OMA1: variants seen among roughly 807,000 people sequenced by gnomAD.
The protein encoded by OMA1 is OMA1 zinc metallopeptidase, also known as metalloendopeptidase OMA1, mitochondrial.
Under a neutral mutation model 30.9 loss-of-function variants are expected in OMA1, and 38 were observed. That is an observed-to-expected ratio of 1.23 (90% CI 0.95 to 1.61). The LOEUF is 1.61. OMA1 is among the 40% of genes most tolerant of loss of function. The pLI is 0.00. For missense variants in OMA1, 461 were observed against 349.2 expected (o/e 1.32, Z -2.55); for synonymous variants, 173 against 121.9 (o/e 1.42, Z -2.76).
At chr1:58,522,034 A>G (rs1251053853) in intron 7 of OMA1, among the ~76,000 whole-genome samples, 1 of 152,218 alleles carries the variant, frequency 6.6e-6, no homozygotes, top group Non-Finnish European at 1.5e-5. Flanking sequence ...AATTCTAGCA[A>G]TATATTAAGG....
chr1:58,481,135 A>T lies in OMA1; in HGVS notation c.1405T>A (p.Ser469Thr), dbSNP rs748163805. Residue 469 changes from serine to threonine, a missense_variant, in exon 9 of 9, where the codon TCT becomes ACT. Ser to Thr is a moderately conservative substitution (Grantham distance 58). Transcript: ENST00000371226. ...IREMCNCPPL[S>T]NPDPRLLFKL... ...AATAGTAATCGAGGGTCTGGATTAG[A>T]CAGTGGTGGACAATTACACATCTCT... The T allele has an allele frequency of 1.2e-6, 1 of 866,354 alleles. No homozygotes were observed. The highest frequency in any genetic ancestry group is 2.0e-6 in the Non-Finnish European group (1 of 498,664). The allele number at this position is 866,354 out of a possible 1,614,324, so 53.7% of individuals were successfully genotyped here. A position where few individuals can be genotyped will look rare whatever the true frequency, so the allele number is the denominator to read the frequency against.
chr1:58,503,665 T>C (rs1161319483), intron 8 of OMA1, among the ~76,000 whole-genome samples: 1 of 152,074 alleles, frequency 6.6e-6, no homozygotes, highest in Non-Finnish European at 1.5e-5. Flanking sequence ...TTGCCCCTTC[T>C]ACCATGTGAG....
At chr1:58,491,462 A>G (rs568514971) in intron 8 of OMA1, among the ~76,000 whole-genome samples, 55 of 152,216 alleles carry the variant, frequency 3.6e-4, no homozygotes, top group Non-Finnish European at 6.2e-4. Context: ...CAAAAGACAC[A>G]GACTGGCAAA....
chr1:58,483,297 CCT>C (rs1360481044), intron 8 of OMA1, among the ~76,000 whole-genome samples: 1 of 152,092 alleles, frequency 6.6e-6, no homozygotes, highest in Non-Finnish European at 1.5e-5. Context: ...TTCCAGATAC[CCT>C]GAGTGGGGTA....
At chr1:58,545,039 G>T (rs774562353) in intron 1 of OMA1, among the ~76,000 whole-genome samples, 14 of 152,112 alleles carry the variant, frequency 9.2e-5, no homozygotes, top group Non-Finnish European at 1.6e-4. Context: ...CTGGACTTTC[G>T]TTGGTTTTCC....
At chr1:58,518,275 G>GA (rs1480166115) in intron 7 of OMA1, among the ~76,000 whole-genome samples, 22 of 8,624 alleles carry the variant, frequency 2.6e-3, no homozygotes, top group Non-Finnish European at 3.9e-3. Context: ...GGAGAGAGGA[G>GA]AGGAGAAGAG....
intron 8 of OMA1, among the ~76,000 whole-genome samples, chr1:58,499,109 T>C (rs1312717766): frequency 2.6e-5 from 4 of 152,052 alleles, no homozygotes; most frequent in African/African-American, 7.2e-5. Flanking sequence ...GAGGACATTA[T>C]GCTAAGTGAA....
At chr1:58,492,818 G>A (rs1345210038) in intron 8 of OMA1, among the ~76,000 whole-genome samples, 2 of 152,152 alleles carry the variant, frequency 1.3e-5, no homozygotes, top group Non-Finnish European at 2.9e-5. Flanking sequence ...TGGATTCACA[G>A]CCGAATTCTA....
chr1:58,516,287 GA>G (rs1343539895), intron 7 of OMA1, among the ~76,000 whole-genome samples: 1 of 152,104 alleles, frequency 6.6e-6, no homozygotes, highest in African/African-American at 2.4e-5. Flanking sequence ...AAACTGTTAC[GA>G]AAAAATTAAA....
At chr1:58,515,018 G>T (rs1646138237) in intron 7 of OMA1, among the ~76,000 whole-genome samples, 2 of 152,072 alleles carry the variant, frequency 1.3e-5, no homozygotes, top group Non-Finnish European at 2.9e-5. Context: ...AAATGTTATT[G>T]ATTATTATAC....
In OMA1 at chr1:58,480,836, C is replaced by T; in HGVS notation, c.*129G>A. On this transcript the variant is annotated 3_prime_UTR_variant, in exon 9 of 9. Transcript: ENST00000371226. ...AATTCTAGAAGAATTTAGATAATAT[C>T]TGTAATGTACATGATTTGACCCTGA... 3.4e-6 allele frequency: 2 copies of T among 585,338 alleles called. No individual in the cohort carries two copies. Among genetic ancestry groups the T allele is most frequent in the Non-Finnish European group, 5.7e-6 (2 of 349,254 alleles). 36.3% of individuals were successfully genotyped at this position (585,338 alleles called of 1,614,324 possible). A position where few individuals can be genotyped will look rare whatever the true frequency, so the allele number is the denominator to read the frequency against.
chr1:58,495,375 A>G (rs1238687527), intron 8 of OMA1, among the ~76,000 whole-genome samples: 2 of 152,076 alleles, frequency 1.3e-5, no homozygotes, highest in Non-Finnish European at 2.9e-5. Context: ...TATATGTAAC[A>G]CACCTGCATG....
intron 5 of OMA1, among the ~76,000 whole-genome samples, chr1:58,531,625 C>A (rs1212127617): frequency 1.3e-5 from 2 of 152,030 alleles, no homozygotes; most frequent in African/African-American, 4.8e-5. Context: ...AATATTGTAC[C>A]CTCACAAAAC....
Position 58,532,417 on chromosome 1 carries a change from C to G in OMA1, c.1011+1536G>C, listed in dbSNP as rs187964448. On this transcript the variant is annotated intron_variant, in intron 5 of 8. Coordinates refer to ENST00000371226, the MANE Select transcript of OMA1 (RefSeq NM_145243.5). ...AACACCTTTCAAATGCTAAAATGGC[C>G]AAAACTGATTTTGCAGTTGTGAAGC... is the stretch of plus-strand genomic sequence containing the variant. 9.7e-4 allele frequency among the ~76,000 whole-genome samples: 147 copies of G among 152,150 alleles called. No individual in the cohort carries two copies. In the Middle Eastern group the frequency reaches 0.01, roughly 11 times the overall value.
At chr1:58,482,428 T>G (rs570712816) in intron 8 of OMA1, among the ~76,000 whole-genome samples, 1 of 152,230 alleles carries the variant, frequency 6.6e-6, no homozygotes, top group African/African-American at 2.4e-5. Context: ...CTCTTCAAAG[T>G]GGGTATATGG....
chr1:58,488,657 G>A (rs1645618913), intron 8 of OMA1, among the ~76,000 whole-genome samples: 1 of 152,092 alleles, frequency 6.6e-6, no homozygotes, highest in Admixed American at 6.5e-5. Flanking sequence ...TCTCCATGTT[G>A]GTCAGGCTGG....
intron 8 of OMA1, among the ~76,000 whole-genome samples, chr1:58,501,739 C>A (rs183224272): frequency 1.3e-5 from 2 of 152,156 alleles, no homozygotes; most frequent in Non-Finnish European, 2.9e-5. Context: ...TAACTGTGTG[C>A]TAAGGACTCA....
At chr1:58,486,079 G>A (rs1463114909) in intron 8 of OMA1, among the ~76,000 whole-genome samples, 1 of 152,202 alleles carries the variant, frequency 6.6e-6, no homozygotes, top group Non-Finnish European at 1.5e-5. Flanking sequence ...TTCACTGCGT[G>A]AGGTATTTTA....
chr1:58,533,582 C>T (rs1016181811), intron 5 of OMA1, among the ~76,000 whole-genome samples: 5 of 152,074 alleles, frequency 3.3e-5, no homozygotes, highest in Non-Finnish European at 7.4e-5. Context: ...AGATGATTTA[C>T]CCACTTAAAT....
Sources: allele counts gnomAD v4.1 joint callset (sites outside exome capture counted in the v4.1 genomes callset), GRCh38; gene constraint gnomAD v4.1.1; transcripts MANE v1.5; gene names NCBI Gene and HGNC (gene_info 2026-07-23, HGNC 2026-07-21).